The following SETD1B variants were observed in gnomAD, a reference collection of about 807,000 sequenced individuals.
SETD1B encodes histone-lysine N-methyltransferase SETD1B.
A neutral mutation model predicts 148.0 loss-of-function variants in SETD1B; 7 were observed. The ratio of observed to expected loss-of-function variants is 0.05; its 90% CI spans 0.03 to 0.09. The LOEUF is 0.09. Ranked by LOEUF, SETD1B falls within the 10% of genes least tolerant of loss-of-function variation. SETD1B has a pLI of 1.00. For synonymous variants in SETD1B, 1,361 were observed against 1,186.5 expected (o/e 1.15, Z -3.02); for missense variants, 2,155 against 2,729.9 (o/e 0.79, Z 4.69).
At position 121,805,691 on chromosome 12, in the gene SETD1B, T is replaced by TTTTTTTTTTCCAAAAAAAA. The variant is rs1875707458; in HGVS notation, c.274-135_274-134insCCAAAAAAAATTTTTTTTT. ...TGCATTTTTTTTTTCCAAAAAAAAT[T>TTTTTTTTTTCCAAAAAAAA]TTTTTTTTTTTTTTAATTTTTAGTT... On this transcript the variant is annotated intron_variant, in intron 3 of 16. Transcript: ENST00000604567. The surrounding 1 kb of genome is among the most constrained non-coding windows in gnomAD (Gnocchi z 4.2). 3.6e-5 allele frequency: 1 copy of TTTTTTTTTTCCAAAAAAAA among 27,468 alleles called. No individual in the cohort carries two copies. Among genetic ancestry groups the TTTTTTTTTTCCAAAAAAAA allele is most frequent in the Non-Finnish European group, 5.6e-5 (1 of 17,900 alleles). 1.7% of individuals were successfully genotyped at this position (27,468 alleles called of 1,614,324 possible).
intron 10 of SETD1B, 95 bp from the exon 11 acceptor site, chr12:121,819,308 TG>T (rs1358849505): frequency 2.0e-6 from 3 of 1,520,462 alleles, no homozygotes; most frequent in Non-Finnish European, 2.6e-6. Flanking sequence ...GTGTTCAGCC[TG>T]GGTGCCACCA....
At chr12:121,803,442 G>A (rs1875499927), upstream of SETD1B, 1 of 152,264 alleles carries the variant, frequency 6.6e-6, no homozygotes, top group South Asian at 2.1e-4. This position sits in a 1 kb window ranked among gnomAD's most constrained non-coding sequence, Gnocchi z 4.7. Context: ...GAATGCGAAT[G>A]CTAACGTGGT....
At chr12:121,799,669 G>T (rs969272252), upstream of SETD1B, 5 of 147,398 alleles carry the variant, frequency 3.4e-5, no homozygotes, top group Admixed American at 2.0e-4. Flanking sequence ...TGACAGACGG[G>T]GATGGATGGC....
the SETD1B span, among the ~76,000 whole-genome samples, chr12:121,792,809 C>T: frequency 6.6e-6 from 1 of 152,246 alleles, no homozygotes; most frequent in South Asian, 2.1e-4. Context: ...ACAGAGTCTG[C>T]AGAGACCACA....
In SETD1B at chr12:121,831,769, C is replaced by G. The variant is rs748556411; in HGVS notation, c.*1530C>G. 6.6e-6 allele frequency: 1 copy of G among 152,216 alleles called. No individual in the cohort carries two copies. The highest frequency in any genetic ancestry group is 1.5e-5 in the Non-Finnish European group (1 of 68,042). The allele number at this position is 152,216 out of a possible 1,614,324, so 9.4% of individuals were successfully genotyped here. ...CCATGAGGGAGCTGCTCCCACCCTG[C>G]GGACGCAGGCGGCCGGAGCCTCTGG... On this transcript the variant is annotated 3_prime_UTR_variant, in exon 17 of 17. Transcript: ENST00000604567.
Position 121,814,436 on chromosome 12 carries a change from A to G in SETD1B, c.2221A>G (p.Ile741Val). The G allele has an allele frequency of 1.1e-6, 1 of 934,984 alleles. No individual in the cohort carries two copies. Among genetic ancestry groups the G allele is most frequent in the Non-Finnish European group, 1.4e-6 (1 of 707,814 alleles). The allele number at this position is 934,984 out of a possible 1,614,324, so 57.9% of individuals were successfully genotyped here. A position where few individuals can be genotyped will look rare whatever the true frequency, so the allele number is the denominator to read the frequency against. Residue 741 changes from isoleucine (I) to valine (V), a missense_variant, in exon 7 of 17, where the codon ATC becomes GTC. By Grantham distance (29) the Ile-to-Val change is conservative. Coordinates refer to ENST00000604567, the MANE Select transcript of SETD1B (RefSeq NM_001353345.2). ...PAPPGVPPPP[I>V]LPPLPPFPPG... is the part of the protein sequence containing the mutation. ...GCCGCCTGGAGTCCCGCCCCCACCC[A>G]TCCTGCCACCACTGCCCCCCTTTCC...
At position 121,819,765 on chromosome 12, in the gene SETD1B, A is replaced by G; in HGVS notation, c.3780A>G (p.Glu1260=). Residue 1260 remains glutamate (E), a synonymous_variant, in exon 11 of 17, where the codon GAA becomes GAG. Coordinates refer to ENST00000604567, the MANE Select transcript of SETD1B (RefSeq NM_001353345.2). The part of the protein sequence containing the change: ...LDEPPLPVGV[E]EPADSREPPE... The stretch of plus-strand genomic sequence containing the variant: ...AGCCCCCCTTGCCTGTGGGTGTTGA[A>G]GAGCCAGCGGACTCCAGGGAGCCGC... The G allele has an allele frequency of 6.4e-7, 1 of 1,551,550 alleles. No homozygotes were observed.
chr12:121,809,547 G>A, intron 5 of SETD1B, 56 bp from the exon 6 acceptor site: 2 of 1,481,624 alleles, frequency 1.3e-6, no homozygotes, highest in Non-Finnish European at 1.8e-6. Context: ...AGGGAAAATA[G>A]CCCTGTTCCA....
chr12:121,828,584 C>T (rs1055930185), intron 16 of SETD1B, among the ~76,000 whole-genome samples: 15 of 152,234 alleles, frequency 9.9e-5, no homozygotes, highest in East Asian at 7.7e-4. Flanking sequence ...TAGCTTGTGA[C>T]GACTGTATTG....
Position 121,827,794 on chromosome 12 carries a change from C to T in SETD1B, c.5529C>T (p.Ala1843=). The change falls in exon 15 of 17, where the codon GCC becomes GCT. Residue 1843 remains alanine, a synonymous_variant. Transcript: ENST00000604567. ...ACATTCACGACTGGGGCTTGTTCGC[C>T]ATGGAGCCCATCGCGGCTGACGAGA... ...KSHIHDWGLF[A]MEPIAADEMV... 6.4e-7 allele frequency: 1 copy of T among 1,557,606 alleles called. No individual in the cohort carries two copies. Among genetic ancestry groups the T allele is most frequent in the East Asian group, 2.4e-5 (1 of 41,532 alleles).
chr12:121,820,274 A>C (rs1025284033), intron 11 of SETD1B, among the ~76,000 whole-genome samples: 2 of 152,236 alleles, frequency 1.3e-5, no homozygotes, highest in Non-Finnish European at 2.9e-5. Context: ...TGAGGGCTGC[A>C]GGCATTGCCC....
In SETD1B at chr12:121,814,601, C is replaced by T; in HGVS notation, c.2386C>T (p.Pro796Ser). ...GGGCCAGGGCGCCTGCCCCTACCCGCCCTTCATGGCCGCTGCGGCCGCCGC... is the reference window on the plus strand; with the variant it reads ...GGGCCAGGGCGCCTGCCCCTACCCGTCCTTCATGGCCGCTGCGGCCGCCGC... ...MTGQGACPYP[P>S]FMAAAAAAAS... The change falls in exon 7 of 17, where the codon CCC (proline) becomes TCC (serine). Residue 796 changes from proline (P) to serine (S), a missense_variant. Physicochemically the swap from Pro to Ser is moderately conservative, Grantham distance 74. Coordinates refer to ENST00000604567, the MANE Select transcript of SETD1B (RefSeq NM_001353345.2). 6.5e-7 allele frequency: 1 copy of T among 1,537,558 alleles called. No homozygotes were observed. The highest frequency in any genetic ancestry group is 8.8e-7 in the Non-Finnish European group (1 of 1,138,724).
chr12:121,801,842 GACAAAAGGCGAAAATACAGTCAAATCAA>G (rs1299692911), upstream of SETD1B: 1 of 152,128 alleles, frequency 6.6e-6, no homozygotes, highest in African/African-American at 2.4e-5. Flanking sequence ...GTCATTAAGA[GACAAAAGGCGAAAATACAGTCAAATCAA>G]ACAAAAGGCA....
In SETD1B at chr12:121,805,006, A is replaced by G. The variant is rs1360065721; in HGVS notation, c.174+95A>G. 3 of 1,458,300 alleles carry G rather than the reference A, an allele frequency of 2.1e-6. No homozygotes were observed. Among genetic ancestry groups the G allele is most frequent in the Admixed American group, 2.3e-5 (1 of 43,652 alleles). 90.3% of individuals were successfully genotyped at this position (1,458,300 alleles called of 1,614,324 possible). On this transcript the variant is annotated intron_variant, in intron 2 of 16. Coordinates refer to ENST00000604567, the MANE Select transcript of SETD1B (RefSeq NM_001353345.2). This position sits in a 1 kb window ranked among gnomAD's most constrained non-coding sequence, Gnocchi z 4.2. ...GACCCCCCGCCCGATCCCCCGGCCA[A>G]CTGTCAGACGGGGCCCCAGCCCTGG...
the SETD1B span, chr12:121,793,031 G>GA: frequency 9.4e-6 from 8 of 847,158 alleles, no homozygotes; most frequent in Admixed American, 7.0e-5. Flanking sequence ...CTCCAGGAGT[G>GA]AAGAGCCGGC....
At position 121,810,685 on chromosome 12, in the gene SETD1B, C is replaced by T. The variant is rs539901853; in HGVS notation, c.1740C>T (p.Ser580=). ...TCAGCCCAACACCCCTCCCAGACTC[C>T]GACGAGGACGAGGAGCTCGACCTGG... The part of the protein sequence containing the change: ...EDISPTPLPD[S]DEDEELDLGL... The change falls in exon 6 of 17, where the codon TCC becomes TCT. Residue 580 remains serine (S), a synonymous_variant. Coordinates refer to ENST00000604567, the MANE Select transcript of SETD1B (RefSeq NM_001353345.2). The surrounding 1 kb of genome is among the most constrained non-coding windows in gnomAD (Gnocchi z 7.6). The T allele has an allele frequency of 1.0e-5, 16 of 1,550,666 alleles. No homozygotes were observed. Among genetic ancestry groups the T allele is most frequent in the Middle Eastern group, 1.7e-4 (1 of 5,990 alleles).
In SETD1B at chr12:121,814,100, C is replaced by T; in HGVS notation, c.1891-6C>T. ...ACCTCACTGTCTCTCCCTGCTCTCT[C>T]TGCAGGGCCAGCAGTCCTCAGGCGA... On this transcript the variant is annotated splice_region_variant and splice_polypyrimidine_tract_variant and intron_variant, in intron 6 of 16. Coordinates refer to ENST00000604567, the MANE Select transcript of SETD1B (RefSeq NM_001353345.2). 1.3e-6 allele frequency: 2 copies of T among 1,546,788 alleles called. No homozygotes were observed. The highest frequency in any genetic ancestry group is 8.7e-7 in the Non-Finnish European group (1 of 1,145,434).
At chr12:121,824,357 T>G (rs1876735853) in intron 12 of SETD1B, among the ~76,000 whole-genome samples, 2 of 152,180 alleles carry the variant, frequency 1.3e-5, no homozygotes, top group Non-Finnish European at 2.9e-5. Context: ...TCAAGAGCTC[T>G]GCTCAAGTGC....
At chr12:121,799,765 T>A (rs2720038), upstream of SETD1B, 5 of 119,768 alleles carry the variant, frequency 4.2e-5, no homozygotes, top group South Asian at 3.0e-4. Context: ...CAGCCCGGCG[T>A]GTTTGGGGTT....
Sources: allele counts gnomAD v4.1 joint callset (sites outside exome capture counted in the v4.1 genomes callset), GRCh38; gene constraint gnomAD v4.1.1; non-coding constraint Gnocchi (gnomAD v3.1); transcripts MANE v1.5; gene names NCBI Gene and HGNC (gene_info 2026-07-23, HGNC 2026-07-21).